The following GGACT variants were observed in gnomAD, a reference collection of about 807,000 sequenced individuals.
The protein encoded by GGACT is gamma-glutamylaminecyclotransferase.
For synonymous variants in GGACT, 118 were observed against 115.3 expected, an observed-to-expected ratio of 1.02 and a Z score of -0.15; for missense variants, 241 against 233.2, an observed-to-expected ratio of 1.03 and a Z score of -0.22.
intron 2 of GGACT, among the ~76,000 whole-genome samples, chr13:100,546,361 C>CAACA (rs2088604105): frequency 1.8e-5 from 1 of 54,624 alleles, no homozygotes; most frequent in African/African-American, 7.1e-5. Context: ...GACTCTGTCT[C>CAACA]AAAAAAAAAA....
At chr13:100,563,301 G>T (rs1349899099) in intron 2 of GGACT, among the ~76,000 whole-genome samples, 1 of 152,180 alleles carries the variant, frequency 6.6e-6, no homozygotes, top group Non-Finnish European at 1.5e-5. Flanking sequence ...AGGGGGATGG[G>T]GGCTGCCAGG....
intron 2 of GGACT, among the ~76,000 whole-genome samples, chr13:100,578,625 A>G (rs1265410844): frequency 1.3e-5 from 2 of 152,258 alleles, no homozygotes; most frequent in Admixed American, 6.5e-5. Context: ...GACTTCGTCA[A>G]TGTTCCCTCC....
rs958146407 is a variant in GGACT at position 100,530,809 on chromosome 13, T to C, written c.*1321A>G. ...GCTGTCTCCACTGTTTTTGTTTGTT[T>C]TGAGGATGAGCGCGCTGCCTGGTCC... is the stretch of plus-strand genomic sequence containing the variant. On this transcript the variant is annotated 3_prime_UTR_variant, in exon 3 of 3. Coordinates refer to ENST00000683975, the MANE Select transcript of GGACT (RefSeq NM_001195087.2). 1.8e-5 allele frequency: 3 copies of C among 166,328 alleles called. No individual in the cohort carries two copies. Among genetic ancestry groups the C allele is most frequent in the South Asian group, 3.2e-4 (2 of 6,254 alleles). The allele number at this position is 166,328 out of a possible 1,614,324, so 10.3% of individuals were successfully genotyped here. A position where few individuals can be genotyped will look rare whatever the true frequency, so the allele number is the denominator to read the frequency against.
At chr13:100,549,702 C>T (rs2088639468) in intron 2 of GGACT, among the ~76,000 whole-genome samples, 2 of 152,138 alleles carry the variant, frequency 1.3e-5, no homozygotes, top group South Asian at 4.1e-4. Context: ...CCAGTTTAAA[C>T]CCTCCAAAAA....
chr13:100,560,017 G>A (rs140188948), intron 2 of GGACT, among the ~76,000 whole-genome samples: 111 of 152,172 alleles, frequency 7.3e-4, no homozygotes, highest in African/African-American at 2.5e-3. Flanking sequence ...ACTACATCCC[G>A]TATGATTCCA....
chr13:100,548,507 C>T (rs1478013986), intron 2 of GGACT, among the ~76,000 whole-genome samples: 1 of 152,184 alleles, frequency 6.6e-6, no homozygotes, highest in African/African-American at 2.4e-5. Flanking sequence ...GTTAAACCTA[C>T]TTAAAAGTGA....
chr13:100,566,198 C>T (rs922872048), intron 2 of GGACT, among the ~76,000 whole-genome samples: 22 of 152,228 alleles, frequency 1.4e-4, no homozygotes, highest in African/African-American at 4.8e-4. Context: ...ACTCTTAGAT[C>T]CTGAGCCACA....
Position 100,534,839 on chromosome 13 carries a change from G to C in GGACT, c.-10-2238C>G, listed in dbSNP as rs2088468837. Among the ~76,000 whole-genome samples, 1 of 152,094 alleles carries C rather than the reference G, an allele frequency of 6.6e-6. No individual in the cohort carries two copies. The highest frequency in any genetic ancestry group is 2.1e-4 in the South Asian group (1 of 4,826). ...GGGTCCTTGTCAATCTCCTGCTGCA[G>C]ACTTAACTCTCCCACCTCATCTCCT... On this transcript the variant is annotated intron_variant, in intron 2 of 2. Coordinates refer to ENST00000683975, the MANE Select transcript of GGACT (RefSeq NM_001195087.2). This position sits in a 1 kb window ranked among gnomAD's most constrained non-coding sequence, Gnocchi z 4.9.
chr13:100,581,637 A>G (rs1170273174), intron 2 of GGACT, among the ~76,000 whole-genome samples: 1 of 152,242 alleles, frequency 6.6e-6, no homozygotes, highest in Non-Finnish European at 1.5e-5. Context: ...TGAAGCCTAA[A>G]TAACTCCTCC....
rs116228195 is a variant in GGACT, at chr13:100,556,170, C to T, written c.-10-23569G>A. Among the ~76,000 whole-genome samples the T allele has an allele frequency of 4.1e-3, 632 of 152,312 alleles. 3 individuals are homozygous for T. Among genetic ancestry groups the T allele is most frequent in the African/African-American group, 0.015 (606 of 41,568 alleles). On this transcript the variant is annotated intron_variant, in intron 2 of 2. Transcript: ENST00000683975. ...AAAAAGAAATAAAAGGCATACACTT[C>T]AGAAAGAAAGAAAACTATCTTTTTT... is the stretch of plus-strand genomic sequence containing the variant.
At chr13:100,584,589 T>C (rs1875510946) in intron 1 of GGACT, among the ~76,000 whole-genome samples, 1 of 152,134 alleles carries the variant, frequency 6.6e-6, no homozygotes, top group South Asian at 2.1e-4. Context: ...CTATAGTCAG[T>C]AATAATGTAA....
At chr13:100,569,296 A>G (rs1384735593) in intron 2 of GGACT, among the ~76,000 whole-genome samples, 1 of 152,240 alleles carries the variant, frequency 6.6e-6, no homozygotes, top group Non-Finnish European at 1.5e-5. Context: ...CTGCCTGGAC[A>G]TCCAGGTGCC....
chr13:100,551,662 GGCACCTGTGCCCAGGCAGA>G (rs1189632545), intron 2 of GGACT, among the ~76,000 whole-genome samples: 3 of 152,214 alleles, frequency 2.0e-5, no homozygotes, highest in African/African-American at 7.2e-5. Context: ...CTGTCCAGGG[GGCACCTGTGCCCAGGCAGA>G]GAAGGGCTGA....
chr13:100,566,627 G>A (rs1874894478), intron 2 of GGACT, among the ~76,000 whole-genome samples: 1 of 71,764 alleles, frequency 1.4e-5, no homozygotes, highest in Non-Finnish European at 2.9e-5. Context: ...TCGGCTCTCA[G>A]CCCTGGTAAC....
At position 100,575,697 on chromosome 13, in the gene GGACT, G is replaced by A. The variant is rs7332690; in HGVS notation, c.-11+8128C>T. Among the ~76,000 whole-genome samples, 737 of 152,268 alleles carry A rather than the reference G, an allele frequency of 4.8e-3. 8 individuals carry two copies. Among genetic ancestry groups the A allele is most frequent in the African/African-American group, 0.017 (702 of 41,556 alleles). On this transcript the variant is annotated intron_variant, in intron 2 of 2. Coordinates refer to ENST00000683975, the MANE Select transcript of GGACT (RefSeq NM_001195087.2). ...GAGGATCACTTGAGCCCAGGAGGTCGAGGCTGCTGTGAGCTGTGACTATGC... is the reference window on the plus strand; with the variant it reads ...GAGGATCACTTGAGCCCAGGAGGTCAAGGCTGCTGTGAGCTGTGACTATGC...
At chr13:100,567,864 T>C (rs562221644) in intron 2 of GGACT, among the ~76,000 whole-genome samples, 1 of 152,380 alleles carries the variant, frequency 6.6e-6, no homozygotes, top group African/African-American at 2.4e-5. Context: ...AATGCAGTTA[T>C]GTATCTGACT....
chr13:100,542,903 GT>G (rs1246872172), intron 2 of GGACT, among the ~76,000 whole-genome samples: 37 of 152,312 alleles, frequency 2.4e-4, no homozygotes, highest in African/African-American at 8.9e-4. Context: ...TTGAAACGCA[GT>G]CCGTCTATAG....
At chr13:100,570,019 T>C (rs1403506771) in intron 2 of GGACT, among the ~76,000 whole-genome samples, 3 of 152,174 alleles carry the variant, frequency 2.0e-5, no homozygotes, top group Non-Finnish European at 4.4e-5. Flanking sequence ...ATTCAACAAG[T>C]CTCTAGGAAG....
At chr13:100,553,743 T>C (rs1222808428) in intron 2 of GGACT, among the ~76,000 whole-genome samples, 2 of 151,016 alleles carry the variant, frequency 1.3e-5, no homozygotes, top group Admixed American at 6.6e-5. Flanking sequence ...ACTTGGGAAG[T>C]TGAGGCAGAA....
Sources: gnomAD v4.1 joint callset for allele counts (sites outside exome capture counted in the v4.1 genomes callset) on GRCh38, gnomAD v4.1.1 for gene constraint, Gnocchi (gnomAD v3.1) non-coding constraint, MANE v1.5 for transcripts, NCBI Gene and HGNC (gene_info 2026-07-23, HGNC 2026-07-21) for gene names.